The following SHB variants were observed in gnomAD, a reference collection of about 807,000 sequenced individuals.
The protein encoded by SHB is SH2 domain containing adaptor protein B, also known as SH2 domain-containing adapter protein B.
SHB carries 20 observed loss-of-function variants against 52.3 expected under a neutral mutation model. The ratio of observed to expected loss-of-function variants is 0.38; its 90% confidence interval spans 0.27 to 0.56. SHB has a LOEUF of 0.56. Among genes scored for constraint, SHB ranks in the 20% least tolerant of loss-of-function variants. The probability of loss-of-function intolerance (pLI) is 0.71; values close to 1 mark genes in which losing one functional copy is unlikely to be tolerated. For missense variants in SHB, 825 were observed against 723.3 expected (o/e 1.14, Z -1.61); for synonymous variants, 397 against 316.5 (o/e 1.25, Z -2.70).
chr9:37,999,280 G>A (rs893743228), intron 2 of SHB, among the ~76,000 whole-genome samples: 4 of 152,116 alleles, frequency 2.6e-5, no homozygotes. Flanking sequence ...ACTAGCAGGC[G>A]AGCTGATCTC....
chr9:37,987,614 T>C lies in SHB; in HGVS notation c.839-12777A>G, dbSNP rs187321783. 2.4e-4 allele frequency among the ~76,000 whole-genome samples: 37 copies of C among 152,374 alleles called. 1 individual carries two copies. In the East Asian group the frequency reaches 6.7e-3, roughly 28 times the overall value. ...GTCGCTTCCTCCCTCTGGCTGTCAG[T>C]TGGTCATCAGTCAGGGTCACTGGAG... On this transcript the variant is annotated intron_variant, in intron 2 of 5. Transcript: ENST00000377707.
chr9:38,042,945 G>A (rs535690389), intron 1 of SHB, among the ~76,000 whole-genome samples: 2 of 152,054 alleles, frequency 1.3e-5, no homozygotes, highest in East Asian at 1.9e-4. Flanking sequence ...AAACTCCCCC[G>A]GTCTGCCAGA....
At chr9:37,933,356 C>CTT (rs1410658009) in intron 5 of SHB, among the ~76,000 whole-genome samples, 2 of 152,228 alleles carry the variant, frequency 1.3e-5, no homozygotes, top group African/African-American at 4.8e-5. Context: ...GTTTCCCCAT[C>CTT]TACATGATGA....
At chr9:37,941,690 C>T (rs1345581238) in intron 5 of SHB, among the ~76,000 whole-genome samples, 1 of 152,176 alleles carries the variant, frequency 6.6e-6, no homozygotes, top group Non-Finnish European at 1.5e-5. Flanking sequence ...CAGTGACCTA[C>T]TAAGTCCACT....
chr9:37,975,043 C>A (rs1381220688), intron 2 of SHB, among the ~76,000 whole-genome samples: 1 of 152,218 alleles, frequency 6.6e-6, no homozygotes, highest in African/African-American at 2.4e-5. Context: ...TCACAAGGCT[C>A]ACATGCTCGC....
chr9:38,054,433 C>A (rs1216759114), intron 1 of SHB, among the ~76,000 whole-genome samples: 1 of 152,248 alleles, frequency 6.6e-6, no homozygotes, highest in African/African-American at 2.4e-5. Context: ...TGTTCCCCAT[C>A]CAGTCACATG....
chr9:38,066,422 A>G (rs951257565), intron 1 of SHB, among the ~76,000 whole-genome samples: 71 of 152,274 alleles, frequency 4.7e-4, no homozygotes, highest in African/African-American at 1.5e-3. Flanking sequence ...CATGCATAAG[A>G]CTGCACGGAG....
intron 2 of SHB, among the ~76,000 whole-genome samples, chr9:37,989,269 T>C (rs897949120): frequency 2.0e-5 from 3 of 152,176 alleles, no homozygotes; most frequent in African/African-American, 2.4e-5. Context: ...GTCAAGTCTA[T>C]GAGGAATTAT....
At chr9:37,991,282 C>A (rs1820878600) in intron 2 of SHB, among the ~76,000 whole-genome samples, 1 of 152,200 alleles carries the variant, frequency 6.6e-6, no homozygotes. Context: ...TAGAATTTCC[C>A]ACCTCCGCTT....
intron 5 of SHB, among the ~76,000 whole-genome samples, chr9:37,922,306 G>A (rs949103563): frequency 4.6e-5 from 7 of 152,230 alleles, no homozygotes; most frequent in Non-Finnish European, 1.0e-4. Context: ...TACGGCATCT[G>A]GCAAGGGAAG....
intron 2 of SHB, among the ~76,000 whole-genome samples, chr9:38,005,795 C>A (rs1009370016): frequency 3.3e-5 from 5 of 152,150 alleles, no homozygotes; most frequent in African/African-American, 1.2e-4. Flanking sequence ...CTCCTTCAGG[C>A]TTCTGAAAGG....
intron 1 of SHB, among the ~76,000 whole-genome samples, chr9:38,031,705 C>T (rs901965778): frequency 2.6e-5 from 4 of 152,208 alleles, no homozygotes; most frequent in African/African-American, 7.2e-5. Context: ...AACACCAACA[C>T]AGCACTTGAC....
chr9:37,940,452 T>C (rs1399146863), intron 5 of SHB, among the ~76,000 whole-genome samples: 1 of 152,230 alleles, frequency 6.6e-6, no homozygotes, highest in African/African-American at 2.4e-5. Context: ...TGGCTTCTAA[T>C]TGTGGCATTT....
At chr9:37,925,751 G>A (rs1018237265) in intron 5 of SHB, among the ~76,000 whole-genome samples, 4 of 152,284 alleles carry the variant, frequency 2.6e-5, no homozygotes, top group African/African-American at 9.6e-5. Context: ...CAAAGAATGT[G>A]GCACAAAGCT....
At chr9:37,966,704 G>T (rs1820528602) in intron 3 of SHB, among the ~76,000 whole-genome samples, 1 of 152,228 alleles carries the variant, frequency 6.6e-6, no homozygotes, top group African/African-American at 2.4e-5. Flanking sequence ...GAGCCAGTTT[G>T]GAAGAGACAG....
chr9:37,970,996 C>T lies in SHB; in HGVS notation c.1054+3626G>A, dbSNP rs758415716. On this transcript the variant is annotated intron_variant, in intron 3 of 5. Transcript: ENST00000377707. Reference sequence around the variant, plus strand: ...TGAAAGGAGAGGGTAATGATTTTGGCCAGCCAACTCCACCCCATACAGCTC... The same window carrying T: ...TGAAAGGAGAGGGTAATGATTTTGGTCAGCCAACTCCACCCCATACAGCTC... 4.5e-4 allele frequency among the ~76,000 whole-genome samples: 68 copies of T among 152,236 alleles called. 1 individual carries two copies. Among genetic ancestry groups the T allele is most frequent in the Non-Finnish European group, 7.6e-4 (52 of 68,028 alleles).
chr9:37,988,978 T>TA (rs1297816432), intron 2 of SHB, among the ~76,000 whole-genome samples: 2 of 152,132 alleles, frequency 1.3e-5, no homozygotes, highest in Non-Finnish European at 2.9e-5. Flanking sequence ...CTCTCCTGGG[T>TA]CTCCAGCTTA....
chr9:37,993,718 G>A (rs976388758), intron 2 of SHB, among the ~76,000 whole-genome samples: 2 of 152,060 alleles, frequency 1.3e-5, no homozygotes, highest in African/African-American at 4.8e-5. Context: ...AACTGGGAGT[G>A]TAAATGTGGA....
At chr9:37,987,210 C>A (rs1394211510) in intron 2 of SHB, among the ~76,000 whole-genome samples, 1 of 152,326 alleles carries the variant, frequency 6.6e-6, no homozygotes, top group East Asian at 1.9e-4. Flanking sequence ...GGGCCAACAT[C>A]GCAAAAACTC....
Sources: allele counts gnomAD v4.1 joint callset (sites outside exome capture counted in the v4.1 genomes callset), GRCh38; gene constraint gnomAD v4.1.1; transcripts MANE v1.5; gene names NCBI Gene and HGNC (gene_info 2026-07-23, HGNC 2026-07-21).